HAO1: variants seen among roughly 807,000 people sequenced by gnomAD.
HAO1 encodes 2-Hydroxyacid oxidase 1.
Under a neutral mutation model 39.7 loss-of-function variants are expected in HAO1, and 34 were observed. The observed-to-expected ratio is 0.86, with a 90% CI of 0.65 to 1.14. HAO1 has a LOEUF of 1.14. Ranked by LOEUF, HAO1 falls within the 50% of genes most tolerant of loss-of-function variation. HAO1 has a pLI of 0.00. For missense variants in HAO1, 479 were observed against 464.5 expected (o/e 1.03, Z -0.29); for synonymous variants, 172 against 173.2 (o/e 0.99, Z 0.05).
At chr20:7,915,757 A>G (rs2050304049) in intron 2 of HAO1, among the ~76,000 whole-genome samples, 1 of 152,196 alleles carries the variant, frequency 6.6e-6, no homozygotes. Flanking sequence ...TATGATATAT[A>G]GATATATTAA....
chr20:7,908,763 T>C (rs2050261571), intron 3 of HAO1, among the ~76,000 whole-genome samples: 1 of 152,170 alleles, frequency 6.6e-6, no homozygotes, highest in African/African-American at 2.4e-5. Flanking sequence ...TGGTCTTTCT[T>C]TTTATTTAAA....
chr20:7,906,737 T>C (rs189786383), intron 3 of HAO1, among the ~76,000 whole-genome samples: 2,602 of 152,278 alleles, frequency 0.017, 71 homozygotes, highest in African/African-American at 0.059. Context: ...CAAAGGGTTT[T>C]GTATGCCAAA....
intron 4 of HAO1, among the ~76,000 whole-genome samples, chr20:7,895,574 T>C (rs996071290): frequency 7.3e-5 from 11 of 150,900 alleles, no homozygotes; most frequent in Middle Eastern, 3.4e-3. Context: ...GCAAAATTAT[T>C]CCTCAACAAT....
intron 3 of HAO1, among the ~76,000 whole-genome samples, chr20:7,909,115 G>A (rs77457919): frequency 0.038 from 5,751 of 151,804 alleles, 133 homozygotes; most frequent in African/African-American, 0.049. Flanking sequence ...AAACAGAAAC[G>A]TGGATAAAAT....
At chr20:7,905,778 A>T (rs2050244827) in intron 4 of HAO1, among the ~76,000 whole-genome samples, 1 of 152,176 alleles carries the variant, frequency 6.6e-6, no homozygotes, top group Non-Finnish European at 1.5e-5. Context: ...TCTGTCTGTC[A>T]TAATATCTCC....
chr20:7,940,287 T>C lies in HAO1; in HGVS notation c.136A>G (p.Arg46Gly). Residue 46 changes from arginine (R) to glycine (G), a missense_variant and splice_region_variant, in exon 1 of 8, where the codon AGA becomes GGA. Transcript: ENST00000378789. ...ATTTTAAAAAATAAATTTTCTTACC[T>C]GGAAAATGCTGCAATATTATCAGCC... is the stretch of plus-strand genomic sequence containing the variant. ...TLADNIAAFS[R>G]WKLYPRMLRN... 1.9e-6 allele frequency: 3 copies of C among 1,594,856 alleles called. No individual in the cohort carries two copies. The highest frequency in any genetic ancestry group is 2.6e-6 in the Non-Finnish European group (3 of 1,173,944).
chr20:7,908,668 C>A (rs1234513119), intron 3 of HAO1, among the ~76,000 whole-genome samples: 1 of 152,084 alleles, frequency 6.6e-6, no homozygotes, highest in Admixed American at 6.6e-5. Context: ...CTCAGATGGC[C>A]ATTTAAGATC....
intron 5 of HAO1, among the ~76,000 whole-genome samples, chr20:7,891,031 A>T (rs2050172029): frequency 6.6e-6 from 1 of 152,208 alleles, no homozygotes; most frequent in South Asian, 2.1e-4. Flanking sequence ...TCTTTTTCGA[A>T]TAATGACTTA....
At chr20:7,909,964 T>A (rs1347387564) in intron 3 of HAO1, among the ~76,000 whole-genome samples, 1 of 152,188 alleles carries the variant, frequency 6.6e-6, no homozygotes, top group Admixed American at 6.5e-5. Flanking sequence ...TCTTCCTCAA[T>A]GTGGCTGCTA....
intron 2 of HAO1, among the ~76,000 whole-genome samples, chr20:7,925,354 A>T (rs1272763679): frequency 6.6e-6 from 1 of 152,122 alleles, no homozygotes; most frequent in Non-Finnish European, 1.5e-5. Flanking sequence ...GGAGCTATAT[A>T]ATCTTGAGTG....
intron 3 of HAO1, among the ~76,000 whole-genome samples, chr20:7,909,378 T>A: frequency 1.2e-5 from 1 of 86,528 alleles, no homozygotes; most frequent in East Asian, 4.2e-4. Context: ...TATATATATA[T>A]GTATATATAT....
Position 7,903,465 on chromosome 20 carries a change from GTGGTGGTCA to G in HAO1, c.721+2680_721+2688del, listed in dbSNP as rs548014961. Among the ~76,000 whole-genome samples the G allele has an allele frequency of 1.7e-3, 263 of 152,198 alleles. 1 individual carries two copies. Among genetic ancestry groups the G allele is most frequent in the Non-Finnish European group, 2.8e-3 (190 of 67,996 alleles). On this transcript the variant is annotated intron_variant, in intron 4 of 7. Coordinates refer to ENST00000378789, the MANE Select transcript of HAO1 (RefSeq NM_017545.3). ...AAGAGAGGTGGTGATGATGGTGGTA[GTGGTGGTCA>G]TGGTGGTCATGGTGGTGATAGGAGT...
intron 4 of HAO1, among the ~76,000 whole-genome samples, chr20:7,895,611 T>C (rs1341388941): frequency 6.8e-6 from 1 of 146,506 alleles, no homozygotes; most frequent in Non-Finnish European, 1.5e-5. Context: ...AAAAAAAACA[T>C]AAAAATGTCA....
At chr20:7,892,837 T>C (rs1219265343) in intron 5 of HAO1, among the ~76,000 whole-genome samples, 1 of 152,074 alleles carries the variant, frequency 6.6e-6, no homozygotes, top group Non-Finnish European at 1.5e-5. Context: ...TATATAAAGT[T>C]TTGTTATATG....
In HAO1 at chr20:7,883,595, A is replaced by G. The variant is rs1310938559; in HGVS notation, c.1111T>C (p.Ter371ArgextTer18). ...RKNPLAVSKI* is the reference protein window; with the variant it reads ...RKNPLAVSKIR Reference sequence around the variant, plus strand: ...AGATGGGAAAATATTGTGCACTGTCAGATCTTGGAAACGGCCAAAGGATTT... The same window carrying G: ...AGATGGGAAAATATTGTGCACTGTCGGATCTTGGAAACGGCCAAAGGATTT... The change falls in exon 8 of 8, where the codon TGA (stop) becomes CGA (arginine). Residue 371 changes from the stop codon to arginine (R), a stop_lost. Transcript: ENST00000378789. 1.2e-6 allele frequency: 2 copies of G among 1,608,778 alleles called. No homozygotes were observed. Among genetic ancestry groups the G allele is most frequent in the Non-Finnish European group, 1.7e-6 (2 of 1,175,246 alleles).
intron 2 of HAO1, among the ~76,000 whole-genome samples, chr20:7,925,594 AC>A (rs1161552399): frequency 6.6e-6 from 1 of 152,108 alleles, no homozygotes; most frequent in Non-Finnish European, 1.5e-5. Flanking sequence ...TCATATGGAG[AC>A]CATAACACAG....
In HAO1 at chr20:7,885,764, G is replaced by A. The variant is rs1296846486; in HGVS notation, c.914C>T (p.Ala305Val). The stretch of plus-strand genomic sequence containing the variant: ...CACAAACACAGCCTTGGCGCCAAGA[G>A]CCAGAGCTTTCAGAACATCAGTGCC... ...RKGTDVLKAL[A>V]LGAKAVFVGR... The change falls in exon 6 of 8, where the codon GCT (alanine) becomes GTT (valine). Residue 305 changes from alanine to valine, a missense_variant. Ala to Val is a moderately conservative substitution (Grantham distance 64). Coordinates refer to ENST00000378789, the MANE Select transcript of HAO1 (RefSeq NM_017545.3). The A allele has an allele frequency of 1.9e-6, 3 of 1,613,700 alleles. No homozygotes were observed. In the East Asian group the frequency reaches 6.7e-5, roughly 36 times the overall value.
At chr20:7,904,243 G>A (rs771104367) in intron 4 of HAO1, among the ~76,000 whole-genome samples, 1 of 152,004 alleles carries the variant, frequency 6.6e-6, no homozygotes, top group African/African-American at 2.4e-5. Flanking sequence ...CATTACTCTA[G>A]GTCATCTCTA....
chr20:7,935,286 TG>T (rs1233453461), intron 1 of HAO1, among the ~76,000 whole-genome samples: 1 of 152,298 alleles, frequency 6.6e-6, no homozygotes, highest in East Asian at 1.9e-4. Context: ...ACTTACAGTT[TG>T]GGGGGAAATT....
Sources: gnomAD v4.1 joint callset for allele counts (sites outside exome capture counted in the v4.1 genomes callset) on GRCh38, gnomAD v4.1.1 for gene constraint, MANE v1.5 for transcripts, NCBI Gene and HGNC (gene_info 2026-07-23, HGNC 2026-07-21) for gene names.